The following AMMECR1 variants were observed in gnomAD, a reference collection of about 807,000 sequenced individuals.
AMMECR1 encodes nuclear protein AMMECR1.
A neutral mutation model predicts 22.5 loss-of-function variants in AMMECR1; 3 were observed. The observed-to-expected ratio is 0.13, with a 90% confidence interval of 0.06 to 0.35. The LOEUF is 0.35. Among genes scored for constraint, AMMECR1 ranks in the 10% least tolerant of loss-of-function variants. The probability of loss-of-function intolerance (pLI) is 1.00; values close to 1 mark genes in which losing one functional copy is unlikely to be tolerated. For missense variants in AMMECR1, 235 were observed against 278.7 expected, an observed-to-expected ratio of 0.84 and a Z score of 1.12; for synonymous variants, 130 against 116.7, an observed-to-expected ratio of 1.11 and a Z score of -0.74.
At chrX:110,368,349 C>A (rs1397673602) in intron 2 of AMMECR1, among the ~76,000 whole-genome samples, 1 of 111,238 alleles carries the variant, frequency 9.0e-6, no homozygotes, top group Non-Finnish European at 1.9e-5. Flanking sequence ...ACATGATCTA[C>A]CTTCATTCCC....
intron 2 of AMMECR1, among the ~76,000 whole-genome samples, chrX:110,229,856 C>T (rs1343436567): frequency 8.9e-5 from 10 of 112,630 alleles, no homozygotes; most frequent in African/African-American, 1.3e-4. Context: ...TGATTCTCTC[C>T]CGTGCCTGGC....
intron 2 of AMMECR1, among the ~76,000 whole-genome samples, chrX:110,405,814 C>T (rs890648891): frequency 3.2e-4 from 36 of 111,751 alleles, no homozygotes; most frequent in African/African-American, 9.1e-4. Context: ...AGAACTTAAA[C>T]GCAGATCCAC....
At chrX:110,408,132 A>G (rs1286415648) in intron 2 of AMMECR1, among the ~76,000 whole-genome samples, 2 of 112,823 alleles carry the variant, frequency 1.8e-5, no homozygotes, top group Non-Finnish European at 3.7e-5. Context: ...CTTTGGTGAA[A>G]GCAGAAGTCC....
chrX:110,264,751 A>T (rs1314178436), intron 1 of AMMECR1, 152 bp from the exon 2 acceptor site: 8 of 387,904 alleles, frequency 2.1e-5, no homozygotes, highest in Non-Finnish European at 3.6e-5. Context: ...ATAGGACTAC[A>T]TTTAGCAAAA....
intron 1 of AMMECR1, among the ~76,000 whole-genome samples, chrX:110,316,578 TAA>T (rs1256217160): frequency 9.8e-6 from 1 of 102,252 alleles, no homozygotes. Context: ...GTTTACACAT[TAA>T]AAAAAAAAAA....
rs1486100835 is a variant in AMMECR1, at chrX:110,358,638, A to T, written c.-147-40789T>A. On this transcript the variant is annotated intron_variant, in intron 2 of 7. Transcript: ENST00000372057. Reference sequence around the variant, plus strand: ...AGCCATTGCTCTAAAAGATTAGATTATACTGTCTGTATTTGCTTCTGGGAG... The same window carrying T: ...AGCCATTGCTCTAAAAGATTAGATTTTACTGTCTGTATTTGCTTCTGGGAG... Among the ~76,000 whole-genome samples, 7 of 111,871 alleles carry T rather than the reference A, an allele frequency of 6.3e-5. No individual in the cohort carries two copies. In the Admixed American group the frequency reaches 6.6e-4, roughly 11 times the overall value.
At chrX:110,338,317 T>C (rs2068148728) in intron 2 of AMMECR1, among the ~76,000 whole-genome samples, 1 of 112,244 alleles carries the variant, frequency 8.9e-6, no homozygotes, top group Admixed American at 9.4e-5. Context: ...AGAAGAGTGA[T>C]CTTTAAACAC....
intron 1 of AMMECR1, chrX:110,309,231 G>A (rs1029724771): frequency 8.9e-6 from 1 of 111,971 alleles, no homozygotes; most frequent in Admixed American, 9.4e-5. Flanking sequence ...CAATTTTTCA[G>A]AGACTCCATT....
intron 1 of AMMECR1, among the ~76,000 whole-genome samples, chrX:110,302,917 G>C (rs1037831176): frequency 3.6e-5 from 4 of 110,875 alleles, no homozygotes; most frequent in Non-Finnish European, 7.6e-5. Context: ...AAAAAAGAGA[G>C]AGAGAGATTG....
intron 2 of AMMECR1, among the ~76,000 whole-genome samples, chrX:110,413,364 A>G (rs908331817): frequency 6.3e-5 from 7 of 111,188 alleles, no homozygotes; most frequent in African/African-American, 2.3e-4. Context: ...CAGGCACCCT[A>G]GGGCTGGGAG....
chrX:110,290,675 T>G (rs889957305), intron 1 of AMMECR1, among the ~76,000 whole-genome samples: 15 of 111,152 alleles, frequency 1.3e-4, no homozygotes, highest in Middle Eastern at 4.7e-3. Flanking sequence ...ATGGACAATT[T>G]CCCTCCTAAA....
Position 110,217,502 on chromosome X carries a change from TACACACAC to T in AMMECR1, c.585-878_585-871del, listed in dbSNP as rs759487797. On this transcript the variant is annotated intron_variant, in intron 2 of 5. Transcript: ENST00000262844. Reference sequence around the variant, plus strand: ...ATTCTTCCTGCAACGGAATAGAAAATACACACACACACACACACACACACACACACACA... The same window carrying T: ...ATTCTTCCTGCAACGGAATAGAAAATACACACACACACACACACACACACA... 6.1e-4 allele frequency among the ~76,000 whole-genome samples: 54 copies of T among 88,581 alleles called. 1 individual carries two copies. Among genetic ancestry groups the T allele is most frequent in the African/African-American group, 1.7e-3 (42 of 24,954 alleles). The allele number at this position is 88,581 out of a possible 115,157, so 76.9% of individuals were successfully genotyped here.
At chrX:110,372,389 G>A (rs748121620) in intron 2 of AMMECR1, among the ~76,000 whole-genome samples, 2 of 112,530 alleles carry the variant, frequency 1.8e-5, no homozygotes, top group South Asian at 7.3e-4. Flanking sequence ...CGTGCTGGAA[G>A]TAACAGTGGT....
chrX:110,279,442 T>C (rs1212973161), intron 1 of AMMECR1, among the ~76,000 whole-genome samples: 1 of 112,476 alleles, frequency 8.9e-6, no homozygotes, highest in Non-Finnish European at 1.9e-5. Flanking sequence ...ATAGTTTTCA[T>C]ATTGGACTAC....
At chrX:110,410,831 C>T (rs1052121179) in intron 2 of AMMECR1, among the ~76,000 whole-genome samples, 2 of 112,283 alleles carry the variant, frequency 1.8e-5, no homozygotes, top group African/African-American at 6.5e-5. Context: ...GCCTCCAAGC[C>T]ACAAGCTTAT....
intron 2 of AMMECR1, among the ~76,000 whole-genome samples, chrX:110,237,489 T>C (rs1170942669): frequency 9.0e-6 from 1 of 111,254 alleles, no homozygotes; most frequent in East Asian, 2.8e-4. Context: ...AGGGTATTTG[T>C]CACCTAAGAG....
At chrX:110,409,810 C>T (rs190511024) in intron 2 of AMMECR1, among the ~76,000 whole-genome samples, 2 of 111,504 alleles carry the variant, frequency 1.8e-5, no homozygotes, top group African/African-American at 3.3e-5. Context: ...GGGCAGGGGG[C>T]AGCACCTCAC....
At chrX:110,343,185 A>C (rs1477146276) in intron 2 of AMMECR1, among the ~76,000 whole-genome samples, 1 of 112,145 alleles carries the variant, frequency 8.9e-6, no homozygotes, top group Non-Finnish European at 1.9e-5. Flanking sequence ...AGGATGGTTC[A>C]ACATACGCAA....
chrX:110,275,995 T>C (rs2067824432), intron 1 of AMMECR1, among the ~76,000 whole-genome samples: 1 of 111,147 alleles, frequency 9.0e-6, no homozygotes. Flanking sequence ...TATTTCTCTC[T>C]CTCCTTTCCT....
Sources: gnomAD v4.1 joint callset for allele counts (sites outside exome capture counted in the v4.1 genomes callset) on GRCh38, gnomAD v4.1.1 for gene constraint, MANE v1.5 for transcripts, NCBI Gene and HGNC (gene_info 2026-07-23, HGNC 2026-07-21) for gene names.